The following VPS39 variants were observed in gnomAD, a reference collection of about 807,000 sequenced individuals.
VPS39 encodes the protein VPS39 subunit of HOPS complex.
Under a neutral mutation model 121.0 loss-of-function variants are expected in VPS39, and 70 were observed. The observed-to-expected ratio is 0.58, with a 90% CI of 0.48 to 0.71. VPS39 has a LOEUF of 0.71. Ranked by LOEUF, VPS39 falls within the 30% of genes least tolerant of loss-of-function variation. The probability of loss-of-function intolerance (pLI) is 0.00; values close to 1 mark genes in which losing one functional copy is unlikely to be tolerated. For synonymous variants in VPS39, 378 were observed against 398.1 expected, an observed-to-expected ratio of 0.95 and a Z score of 0.60; for missense variants, 818 against 1,051.5, an observed-to-expected ratio of 0.78 and a Z score of 3.07.
At chr15:42,193,267 T>G (rs1319166909) in intron 2 of VPS39, among the ~76,000 whole-genome samples, 1 of 152,164 alleles carries the variant, frequency 6.6e-6, no homozygotes, top group African/African-American at 2.4e-5. Context: ...AAAATAACAA[T>G]AATAACCCCA....
chr15:42,194,121 C>A (rs1289411943), intron 2 of VPS39, among the ~76,000 whole-genome samples: 1 of 152,010 alleles, frequency 6.6e-6, no homozygotes, highest in Non-Finnish European at 1.5e-5. Flanking sequence ...ACTTGTACTG[C>A]CTAACCAAGA....
chr15:42,190,378 T>G (rs2049802047), intron 4 of VPS39, among the ~76,000 whole-genome samples: 1 of 152,104 alleles, frequency 6.6e-6, no homozygotes, highest in African/African-American at 2.4e-5. Context: ...GGAACAACAT[T>G]TAACATGATT....
chr15:42,195,204 G>A (rs531921317), intron 2 of VPS39, among the ~76,000 whole-genome samples: 1 of 152,302 alleles, frequency 6.6e-6, no homozygotes, highest in South Asian at 2.1e-4. Context: ...ACTTTGGGAG[G>A]TCGAGGCGGG....
rs1305448065 is a variant in VPS39 at position 42,184,640 on chromosome 15, C to G, written c.595G>C (p.Val199Leu). The change falls in exon 8 of 25, where the codon GTT becomes CTT. Residue 199 changes from valine to leucine, a missense_variant. Val to Leu is a conservative substitution (Grantham distance 32). Transcript: ENST00000318006. ...FPTGKQLEPLVAPLADGKVAV... is the reference protein window; with the variant it reads ...FPTGKQLEPLLAPLADGKVAV... ...ACTTTTCCATCTGCCAGAGGTGCAACTAAGGGCTCCAGCTGTTTTCCTGTT... is the reference window on the plus strand; with the variant it reads ...ACTTTTCCATCTGCCAGAGGTGCAAGTAAGGGCTCCAGCTGTTTTCCTGTT... 6.2e-7 allele frequency: 1 copy of G among 1,614,178 alleles called. No homozygotes were observed. The highest frequency in any genetic ancestry group is 1.1e-5 in the South Asian group (1 of 91,090).
rs1053845589 is a variant in VPS39, at chr15:42,159,656, G to C, written c.*1098C>G. 2.6e-5 allele frequency: 4 copies of C among 152,398 alleles called. No individual in the cohort carries two copies. The highest frequency in any genetic ancestry group is 7.2e-5 in the African/African-American group (3 of 41,470). 9.4% of individuals were successfully genotyped at this position (152,398 alleles called of 1,614,324 possible). On this transcript the variant is annotated 3_prime_UTR_variant, in exon 25 of 25. Transcript: ENST00000318006. ...TCAGTTCCAGGTCCACTCATCCCCT[G>C]CGTGTTGCCGGGACCCACCTTCCTG...
At chr15:42,208,051 C>CCGCCTCGGCCCCGCGG (rs2050213012) in intron 1 of VPS39, 30 bp downstream of exon 1, 1 of 1,558,932 alleles carries the variant, frequency 6.4e-7, no homozygotes, top group Non-Finnish European at 8.7e-7. Context: ...TGTGCTGACT[C>CCGCCTCGGCCCCGCGG]CGCCTCGGCC....
At chr15:42,172,645 A>G (rs2049370133) in intron 11 of VPS39, among the ~76,000 whole-genome samples, 2 of 152,208 alleles carry the variant, frequency 1.3e-5, no homozygotes, top group Admixed American at 1.3e-4. Context: ...GAAGGTGGCT[A>G]TGCTAGTGCA....
chr15:42,199,899 C>T lies in VPS39; in HGVS notation c.136G>A (p.Val46Ile), dbSNP rs140663621. ...HLLLYRIRKD[V>I]GCNRFEVTLE... ...TGCATGAGCAATGTGCACTTACCAA[C>T]GTCCTTCCGAATCCTATAGAGAAGA... The change falls in exon 2 of 25, where the codon GTT (valine) becomes ATT (isoleucine). Residue 46 changes from valine (V) to isoleucine (I), a missense_variant. Transcript: ENST00000318006. 9.0e-5 allele frequency: 144 copies of T among 1,591,486 alleles called. 1 individual carries two copies. The highest frequency in any genetic ancestry group is 3.6e-4 in the South Asian group (31 of 86,126).
chr15:42,164,375 C>T lies in VPS39; in HGVS notation c.2009G>A (p.Cys670Tyr). The T allele has an allele frequency of 6.2e-7, 1 of 1,614,114 alleles. No homozygotes were observed. Among genetic ancestry groups the T allele is most frequent in the Non-Finnish European group, 8.5e-7 (1 of 1,179,968 alleles). Reference protein sequence around the residue: ...SSYYDPGRLICDFPFDGLLEE... With the variant: ...SSYYDPGRLIYDFPFDGLLEE... ...ACACTCACCATCAAAGGGAAAATCA[C>T]AGATGAGCCGGCCTGGATCATAGTA... The change falls in exon 19 of 25, where the codon TGT becomes TAT. Residue 670 changes from cysteine to tyrosine, a missense_variant. Transcript: ENST00000318006.
At chr15:42,178,841 A>G (rs2049513658) in intron 8 of VPS39, 3 of 366,806 alleles carry the variant, frequency 8.2e-6, no homozygotes, top group African/African-American at 6.1e-5. Context: ...GCCTCAACAA[A>G]AACATTTATT....
At chr15:42,174,195 C>T (rs2049403350) in intron 10 of VPS39, among the ~76,000 whole-genome samples, 1 of 151,774 alleles carries the variant, frequency 6.6e-6, no homozygotes, top group African/African-American at 2.4e-5. Context: ...TGCAGTGGGC[C>T]AAGATCATGC....
intron 12 of VPS39, 101 bp downstream of exon 12, chr15:42,169,623 G>T: frequency 7.6e-7 from 1 of 1,318,582 alleles, no homozygotes; most frequent in Non-Finnish European, 1.0e-6. Flanking sequence ...TTAATTTACA[G>T]ACTGCCTTGG....
In VPS39 at chr15:42,160,662, G is replaced by A. The variant is rs981806418; in HGVS notation, c.*92C>T. The stretch of plus-strand genomic sequence containing the variant: ...TAATGTCCAAATGGGGAGCCTTGTG[G>A]TGGTGGCAGCCAGGATTCCTAAGGC... On this transcript the variant is annotated 3_prime_UTR_variant, in exon 25 of 25. Coordinates refer to ENST00000318006, the MANE Select transcript of VPS39 (RefSeq NM_015289.5). The A allele has an allele frequency of 1.8e-6, 2 of 1,123,924 alleles. No individual in the cohort carries two copies. Among genetic ancestry groups the A allele is most frequent in the African/African-American group, 3.1e-5 (2 of 65,330 alleles). 69.6% of individuals were successfully genotyped at this position (1,123,924 alleles called of 1,614,324 possible).
chr15:42,191,006 A>G, intron 4 of VPS39, 119 bp downstream of exon 4: 2 of 1,120,820 alleles, frequency 1.8e-6, no homozygotes, highest in Non-Finnish European at 2.7e-6. Context: ...CTGTTATACC[A>G]GGTTTGGAAC....
In VPS39 at chr15:42,199,965, G is replaced by T; in HGVS notation, c.74-4C>A. The T allele has an allele frequency of 6.5e-7, 1 of 1,546,598 alleles. No individual in the cohort carries two copies. The highest frequency in any genetic ancestry group is 2.4e-5 in the East Asian group (1 of 42,080). ...GTTCCCACAAGAAGCCATTCCTCTG[G>T]AAAAACAAAACAAAACAAAAACAAA... is the stretch of plus-strand genomic sequence containing the variant. On this transcript the variant is annotated splice_polypyrimidine_tract_variant and splice_region_variant and intron_variant, in intron 1 of 24. Transcript: ENST00000318006.
At chr15:42,165,288 C>A in intron 17 of VPS39, 175 bp from the exon 18 acceptor site, 1 of 621,924 alleles carries the variant, frequency 1.6e-6, no homozygotes, top group Non-Finnish European at 2.8e-6. Flanking sequence ...CACAATGCGA[C>A]CCAGTAACGT....
At chr15:42,194,295 G>A (rs372230073) in intron 2 of VPS39, among the ~76,000 whole-genome samples, 4 of 151,994 alleles carry the variant, frequency 2.6e-5, no homozygotes, top group African/African-American at 9.7e-5. Flanking sequence ...CCAATATGGT[G>A]AAATCCTGTC....
intron 12 of VPS39, 56 bp downstream of exon 12, chr15:42,169,668 A>G (rs1232318915): frequency 1.3e-6 from 2 of 1,519,650 alleles, no homozygotes; most frequent in Non-Finnish European, 1.8e-6. Context: ...TGCCACAAAG[A>G]AACAAGTACT....
chr15:42,162,190 G>C lies in VPS39; in HGVS notation c.2326-24C>G, dbSNP rs1184519981. On this transcript the variant is annotated intron_variant, in intron 22 of 24. Coordinates refer to ENST00000318006, the MANE Select transcript of VPS39 (RefSeq NM_015289.5). ...GCCTAGGGACAGGAACAGAGATAGG[G>C]ACTGGGTGAGGTGAACAGGAGTGAG... The C allele has an allele frequency of 1.9e-6, 3 of 1,613,772 alleles. No individual in the cohort carries two copies. The African/African-American group carries it at 4.0e-5, about 22-fold the overall frequency.
Sources: allele counts gnomAD v4.1 joint callset (sites outside exome capture counted in the v4.1 genomes callset), GRCh38; gene constraint gnomAD v4.1.1; transcripts MANE v1.5; gene names NCBI Gene and HGNC (gene_info 2026-07-23, HGNC 2026-07-21).